PEPD: variants seen among roughly 807,000 people sequenced by gnomAD.
PEPD encodes peptidase D, also known as xaa-Pro dipeptidase.
PEPD carries 53 observed loss-of-function variants against 60.7 expected under a neutral mutation model. The observed-to-expected ratio is 0.87, with a 90% CI of 0.70 to 1.10. PEPD has a LOEUF of 1.10. Among genes scored for constraint, PEPD ranks in the 50% least tolerant of loss-of-function variants. The pLI, the probability that PEPD is intolerant of heterozygous loss-of-function variation, is 0.00. For synonymous variants in PEPD, 267 were observed against 284.1 expected, an observed-to-expected ratio of 0.94 and a Z score of 0.60; for missense variants, 711 against 711.9, an observed-to-expected ratio of 1.00 and a Z score of 0.01.
intron 9 of PEPD, among the ~76,000 whole-genome samples, chr19:33,431,218 A>G (rs576241604): frequency 6.7e-6 from 1 of 149,588 alleles, no homozygotes; most frequent in African/African-American, 2.5e-5. Context: ...GAGGGAGGGA[A>G]GGAGGGCAAT....
chr19:33,519,751 GA>G (rs1971096888), intron 1 of PEPD, among the ~76,000 whole-genome samples: 1 of 152,202 alleles, frequency 6.6e-6, no homozygotes, highest in Non-Finnish European at 1.5e-5. Context: ...GTGGCCCAGA[GA>G]ATCGGTTCTG....
intron 3 of PEPD, among the ~76,000 whole-genome samples, chr19:33,501,420 C>T (rs892280685): frequency 6.6e-6 from 1 of 152,102 alleles, no homozygotes; most frequent in Admixed American, 6.5e-5. Flanking sequence ...TAAGGTCAGC[C>T]GCAGAATCCC....
intron 7 of PEPD, 71 bp from the exon 8 acceptor site, chr19:33,464,133 G>A: frequency 9.0e-7 from 1 of 1,108,196 alleles, no homozygotes. Context: ...CCTCCAGGGA[G>A]AGCTCAGGGC....
At position 33,416,489 on chromosome 19, in the gene PEPD, G is replaced by A. The variant is rs377320072; in HGVS notation, c.672-2846C>T. ...CTTCCATAAATTTATGACTCACATC[G>A]TGCAGCCCCGGACCAGCTGGGTCTA... On this transcript the variant is annotated intron_variant, in intron 9 of 14. Coordinates refer to ENST00000244137, the MANE Select transcript of PEPD (RefSeq NM_000285.4). Among the ~76,000 whole-genome samples, 79 of 152,230 alleles carry A rather than the reference G, an allele frequency of 5.2e-4. No homozygotes were observed. The East Asian group carries it at 6.6e-3, about 13-fold the overall frequency.
At chr19:33,515,469 G>C (rs1233304954) in intron 1 of PEPD, among the ~76,000 whole-genome samples, 1 of 152,112 alleles carries the variant, frequency 6.6e-6, no homozygotes, top group Non-Finnish European at 1.5e-5. Flanking sequence ...AAGTCGGTGA[G>C]AGTTCGTAAA....
intron 12 of PEPD, among the ~76,000 whole-genome samples, chr19:33,400,702 C>T (rs1479884556): frequency 6.6e-6 from 1 of 152,198 alleles, no homozygotes; most frequent in Non-Finnish European, 1.5e-5. Context: ...TGTGTTGAAG[C>T]CCTGGAAGGC....
At chr19:33,407,603 A>C (rs1968660892) in intron 11 of PEPD, among the ~76,000 whole-genome samples, 1 of 152,166 alleles carries the variant, frequency 6.6e-6, no homozygotes, top group South Asian at 2.1e-4. Context: ...TGAAAGTGTT[A>C]ATTAGCAAGT....
At chr19:33,513,296 A>C (rs529925704) in intron 1 of PEPD, among the ~76,000 whole-genome samples, 127 of 152,084 alleles carry the variant, frequency 8.4e-4, no homozygotes, top group Admixed American at 1.2e-3. Flanking sequence ...CCAGTCCTTC[A>C]GCTCAAAGGA....
chr19:33,391,586 C>T (rs1968223101), intron 12 of PEPD, 107 bp from the exon 13 acceptor site: 2 of 1,063,562 alleles, frequency 1.9e-6, no homozygotes, highest in Non-Finnish European at 2.8e-6. Flanking sequence ...GTGGGAGGGC[C>T]TGAGGTGGGG....
At chr19:33,446,902 C>T (rs1969604686) in intron 9 of PEPD, among the ~76,000 whole-genome samples, 1 of 152,216 alleles carries the variant, frequency 6.6e-6, no homozygotes, top group African/African-American at 2.4e-5. Context: ...TCTTATCTTG[C>T]TGGGATGGAC....
chr19:33,458,699 T>A, intron 9 of PEPD, among the ~76,000 whole-genome samples: 1 of 71,542 alleles, frequency 1.4e-5, no homozygotes, highest in Non-Finnish European at 3.1e-5. Context: ...GTGTGTGGTG[T>A]GTGGTATGTG....
chr19:33,509,980 C>A (rs2145351373), intron 3 of PEPD, among the ~76,000 whole-genome samples: 1 of 152,356 alleles, frequency 6.6e-6, no homozygotes, highest in East Asian at 1.9e-4. Context: ...GCAAATAACA[C>A]ACCCAGCATA....
intron 12 of PEPD, among the ~76,000 whole-genome samples, chr19:33,393,287 G>A (rs1327857268): frequency 2.7e-5 from 4 of 149,994 alleles, no homozygotes; most frequent in African/African-American, 4.9e-5. Flanking sequence ...GGGGTCTGGC[G>A]TGGGGGAGAG....
At chr19:33,394,326 G>C (rs1231734185) in intron 12 of PEPD, among the ~76,000 whole-genome samples, 2 of 152,268 alleles carry the variant, frequency 1.3e-5, no homozygotes, top group East Asian at 3.8e-4. Flanking sequence ...GCAGAGGGCG[G>C]GAATCAGGTA....
At position 33,387,349 on chromosome 19, in the gene PEPD, T is replaced by A. The variant is rs1187425432; in HGVS notation, c.1477A>T (p.Lys493Ter). 2 of 1,613,808 alleles carry A rather than the reference T, an allele frequency of 1.2e-6. No individual in the cohort carries two copies. The highest frequency in any genetic ancestry group is 1.7e-6 in the Non-Finnish European group (2 of 1,180,032). ...DKAFTPFSGP[K>*] is the part of the protein sequence containing the mutation. ...GCTGGGATTTCTGGCTGGCTCTACT[T>A]GGGGCCAGAGAAGGGGGTAAAGGCC... is the stretch of plus-strand genomic sequence containing the variant. Residue 493 changes from lysine to a stop codon, truncating the protein, a stop_gained, in exon 15 of 15, where the codon AAG becomes TAG. Coordinates refer to ENST00000244137, the MANE Select transcript of PEPD (RefSeq NM_000285.4). LOFTEE classifies it high-confidence loss of function.
intron 13 of PEPD, among the ~76,000 whole-genome samples, chr19:33,389,354 G>A (rs1041355322): frequency 5.9e-5 from 9 of 152,208 alleles, no homozygotes; most frequent in African/African-American, 1.9e-4. Flanking sequence ...CTGAGGAACC[G>A]TATGGAGTGA....
chr19:33,480,545 G>A lies in PEPD; in HGVS notation c.504-2455C>T, dbSNP rs140185192. 9.8e-3 allele frequency among the ~76,000 whole-genome samples: 1,488 copies of A among 152,158 alleles called. 24 individuals carry two copies. The highest frequency in any genetic ancestry group is 0.034 in the African/African-American group (1,423 of 41,522). On this transcript the variant is annotated intron_variant, in intron 6 of 14. Coordinates refer to ENST00000244137, the MANE Select transcript of PEPD (RefSeq NM_000285.4). ...AACGCGGTGGCTCACGCCTGTAATC[G>A]CAGCACTTTGGGAGGCCAAGGCGGG...
rs1970740493 is a variant in PEPD at position 33,503,041 on chromosome 19, G to C, written c.330-2040C>G. ...GGAGAGAACCTTGGGACTTGGAGGT[G>C]ATGAACTTCACGAGTGAGCTCCTGA... On this transcript the variant is annotated intron_variant, in intron 3 of 14. Coordinates refer to ENST00000244137, the MANE Select transcript of PEPD (RefSeq NM_000285.4). Among the ~76,000 whole-genome samples the C allele has an allele frequency of 2.6e-5, 4 of 151,968 alleles. No homozygotes were observed. In the South Asian group the frequency reaches 8.3e-4, roughly 32 times the overall value.
At chr19:33,465,581 A>G (rs977990462) in intron 7 of PEPD, among the ~76,000 whole-genome samples, 1 of 152,146 alleles carries the variant, frequency 6.6e-6, no homozygotes, top group African/African-American at 2.4e-5. Context: ...CCCTTGTGAC[A>G]GCATCGCAGC....
Sources: allele counts gnomAD v4.1 joint callset (sites outside exome capture counted in the v4.1 genomes callset), GRCh38; gene constraint gnomAD v4.1.1; transcripts MANE v1.5; gene names NCBI Gene and HGNC (gene_info 2026-07-23, HGNC 2026-07-21).